Variants in SGCZ observed in about 807,000 individuals in gnomAD.
SGCZ encodes sarcoglycan zeta, also known as zeta-sarcoglycan.
SGCZ carries 40 observed loss-of-function variants against 41.3 expected under a neutral mutation model. The ratio of observed to expected loss-of-function variants is 0.97; its 90% CI spans 0.75 to 1.26. The LOEUF (loss-of-function observed/expected upper bound fraction) is 1.26. SGCZ is among the 50% of genes most tolerant of loss of function. The probability of loss-of-function intolerance (pLI) is 0.00; values close to 1 mark genes in which losing one functional copy is unlikely to be tolerated. For missense variants in SGCZ, 552 were observed against 369.8 expected (o/e 1.49, Z -4.04); for synonymous variants, 206 against 137.5 (o/e 1.50, Z -3.49).
intron 1 of SGCZ, among the ~76,000 whole-genome samples, chr8:15,196,528 T>C (rs1396554931): frequency 6.6e-6 from 1 of 151,068 alleles, no homozygotes; most frequent in Non-Finnish European, 1.5e-5. Flanking sequence ...ACTAAGATTG[T>C]ATTATATTGT....
At chr8:14,331,713 T>C (rs902614776) in intron 2 of SGCZ, among the ~76,000 whole-genome samples, 7 of 152,086 alleles carry the variant, frequency 4.6e-5, no homozygotes, top group African/African-American at 1.7e-4. Context: ...AATTTCATAA[T>C]TTATGTACCT....
intron 2 of SGCZ, among the ~76,000 whole-genome samples, chr8:14,546,987 T>G (rs1327522433): frequency 1.3e-5 from 2 of 151,718 alleles, no homozygotes; most frequent in Admixed American, 1.3e-4. Context: ...ATTGTGAAAC[T>G]CCATAAAGCC....
chr8:14,636,608 G>A (rs1014296495), intron 1 of SGCZ, among the ~76,000 whole-genome samples: 2 of 151,828 alleles, frequency 1.3e-5, no homozygotes, highest in African/African-American at 4.8e-5. Context: ...AGGGCATTTT[G>A]GTTTCAGGTG....
At chr8:14,929,483 A>G (rs1046428444) in intron 1 of SGCZ, among the ~76,000 whole-genome samples, 8 of 150,956 alleles carry the variant, frequency 5.3e-5, no homozygotes, top group Admixed American at 2.0e-4. Context: ...TAAATGTCCT[A>G]TAGACATTAG....
intron 1 of SGCZ, among the ~76,000 whole-genome samples, chr8:14,874,223 T>A (rs2130708931): frequency 6.6e-6 from 1 of 152,256 alleles, no homozygotes; most frequent in Non-Finnish European, 1.5e-5. Context: ...TTCATGCATT[T>A]CAATATTTTT....
chr8:15,084,311 C>A (rs1346938321), intron 1 of SGCZ, among the ~76,000 whole-genome samples: 1 of 152,114 alleles, frequency 6.6e-6, no homozygotes, highest in Admixed American at 6.6e-5. Context: ...AGACATTAAT[C>A]ATTTTATGTC....
chr8:14,829,905 G>A (rs577385502), intron 1 of SGCZ, among the ~76,000 whole-genome samples: 7 of 152,150 alleles, frequency 4.6e-5, no homozygotes, highest in Middle Eastern at 3.4e-3. Flanking sequence ...TCCGCCTCCC[G>A]GGTTCACGCC....
At chr8:14,766,020 T>C (rs1487795834) in intron 1 of SGCZ, among the ~76,000 whole-genome samples, 17 of 149,722 alleles carry the variant, frequency 1.1e-4, no homozygotes, top group Admixed American at 1.1e-3. Context: ...TGGAGTACAG[T>C]GGCATGATCT....
intron 1 of SGCZ, among the ~76,000 whole-genome samples, chr8:15,224,956 A>G (rs1801721819): frequency 6.6e-6 from 1 of 152,204 alleles, no homozygotes; most frequent in Non-Finnish European, 1.5e-5. Flanking sequence ...TATAAGGCAA[A>G]CATTGAGAAA....
chr8:14,388,780 T>TA (rs1361742758), intron 2 of SGCZ, among the ~76,000 whole-genome samples: 1 of 150,190 alleles, frequency 6.7e-6, no homozygotes. Context: ...GTTTACTATG[T>TA]AAAAAACCTG....
At chr8:14,673,401 C>T (rs1808168760) in intron 1 of SGCZ, among the ~76,000 whole-genome samples, 1 of 152,024 alleles carries the variant, frequency 6.6e-6, no homozygotes, top group Non-Finnish European at 1.5e-5. Context: ...GCAGTTTCAC[C>T]TGCTCTCTCT....
intron 1 of SGCZ, among the ~76,000 whole-genome samples, chr8:14,831,819 C>A (rs530846547): frequency 4.6e-5 from 7 of 152,196 alleles, no homozygotes; most frequent in African/African-American, 1.7e-4. Flanking sequence ...TATGTGTGCA[C>A]ATACATGTAT....
At position 15,054,751 on chromosome 8, in the gene SGCZ, A is replaced by G. The variant is rs1407863097; in HGVS notation, c.39+182834T>C. ...GGGCAGACCACGAGGTCAGGAGATCAAGACCATCCTGGCTAACACGGTGAA... is the reference window on the plus strand; with the variant it reads ...GGGCAGACCACGAGGTCAGGAGATCGAGACCATCCTGGCTAACACGGTGAA... On this transcript the variant is annotated intron_variant, in intron 1 of 7. Coordinates refer to ENST00000382080, the MANE Select transcript of SGCZ (RefSeq NM_139167.4). Among the ~76,000 whole-genome samples, 9 of 151,838 alleles carry G rather than the reference A, an allele frequency of 5.9e-5. No individual in the cohort carries two copies. The East Asian group carries it at 1.7e-3, about 29-fold the overall frequency.
chr8:14,743,788 A>C (rs1799265935), intron 1 of SGCZ, among the ~76,000 whole-genome samples: 1 of 152,128 alleles, frequency 6.6e-6, no homozygotes, highest in African/African-American at 2.4e-5. Context: ...GTCCTTTAGA[A>C]GGAAAGAAGA....
intron 2 of SGCZ, among the ~76,000 whole-genome samples, chr8:14,380,420 A>G (rs1009230402): frequency 1.3e-5 from 2 of 152,138 alleles, no homozygotes; most frequent in Non-Finnish European, 2.9e-5. Context: ...TTGATATGCA[A>G]TATGATGAAA....
intron 1 of SGCZ, among the ~76,000 whole-genome samples, chr8:15,194,749 C>T (rs1220716598): frequency 1.3e-5 from 2 of 152,126 alleles, no homozygotes; most frequent in African/African-American, 4.8e-5. Flanking sequence ...GAAGTTAGAA[C>T]AGGTAAGGAA....
Position 15,076,742 on chromosome 8 carries a change from T to C in SGCZ, c.39+160843A>G, listed in dbSNP as rs529063706. ...CTTGAGTACACTCAAGGAACTTAAA[T>C]AAGTCTCTCTCATTTTTTTTTTTTT... is the stretch of plus-strand genomic sequence containing the variant. On this transcript the variant is annotated intron_variant, in intron 1 of 7. Transcript: ENST00000382080. Among the ~76,000 whole-genome samples the C allele has an allele frequency of 1.1e-4, 16 of 148,426 alleles. No individual in the cohort carries two copies. In the South Asian group the frequency reaches 3.4e-3, roughly 32 times the overall value.
At chr8:14,426,350 C>T (rs987653462) in intron 2 of SGCZ, among the ~76,000 whole-genome samples, 1 of 151,936 alleles carries the variant, frequency 6.6e-6, no homozygotes, top group South Asian at 2.1e-4. Flanking sequence ...TAAATAGGGT[C>T]GTGAGAGTAT....
intron 1 of SGCZ, among the ~76,000 whole-genome samples, chr8:14,656,923 C>G (rs1355501667): frequency 1.3e-5 from 2 of 151,454 alleles, no homozygotes; most frequent in Non-Finnish European, 2.9e-5. Context: ...AATTAAAATA[C>G]TAGAAACAAC....
Sources: allele counts gnomAD v4.1 joint callset (sites outside exome capture counted in the v4.1 genomes callset), GRCh38; gene constraint gnomAD v4.1.1; transcripts MANE v1.5; gene names NCBI Gene and HGNC (gene_info 2026-07-23, HGNC 2026-07-21).